The following NIPAL1 variants were observed in gnomAD, a reference collection of about 807,000 sequenced individuals.
The protein encoded by NIPAL1 is NIPA like domain containing 1.
In NIPAL1, 35 loss-of-function variants were observed where a neutral mutation model predicts 37.7. The ratio of observed to expected loss-of-function variants is 0.93; its 90% CI spans 0.71 to 1.23. The LOEUF (loss-of-function observed/expected upper bound fraction) is 1.23, where lower values mean the gene tolerates loss of function less well. NIPAL1 is among the 50% of genes most tolerant of loss of function. The pLI, the probability that NIPAL1 is intolerant of heterozygous loss-of-function variation, is 0.00. For missense variants in NIPAL1, 412 were observed against 473.9 expected (o/e 0.87, Z 1.21); for synonymous variants, 162 against 183.0 (o/e 0.89, Z 0.93).
At position 48,037,928 on chromosome 4, in the gene NIPAL1, AT is replaced by A. The variant is rs1353772971; in HGVS notation, c.*1758del. 6.6e-6 allele frequency: 1 copy of A among 151,950 alleles called. No individual in the cohort carries two copies. The highest frequency in any genetic ancestry group is 1.5e-5 in the Non-Finnish European group (1 of 67,964). 9.4% of individuals were successfully genotyped at this position (151,950 alleles called of 1,614,324 possible). On this transcript the variant is annotated 3_prime_UTR_variant, in exon 6 of 6. Coordinates refer to ENST00000295461, the MANE Select transcript of NIPAL1 (RefSeq NM_207330.3). The stretch of plus-strand genomic sequence containing the variant: ...CAAAAATCCTAACCAAAAAGTTGTC[AT>A]TAAAAAAAAAAAAATTCAGGTAGAC...
At chr4:48,017,141 G>A (rs1425373718) in intron 1 of NIPAL1, among the ~76,000 whole-genome samples, 1 of 152,246 alleles carries the variant, frequency 6.6e-6, no homozygotes, top group African/African-American at 2.4e-5. Context: ...CGATTCGCGA[G>A]GCCGACCAGT....
Position 48,037,948 on chromosome 4 carries a change from G to T in NIPAL1, c.*1776G>T, listed in dbSNP as rs1715991718. 2 of 151,368 alleles carry T rather than the reference G, an allele frequency of 1.3e-5. No individual in the cohort carries two copies. The highest frequency in any genetic ancestry group is 4.9e-5 in the African/African-American group (2 of 41,198). The allele number at this position is 151,368 out of a possible 1,614,324, so 9.4% of individuals were successfully genotyped here. On this transcript the variant is annotated 3_prime_UTR_variant, in exon 6 of 6. Transcript: ENST00000295461. The stretch of plus-strand genomic sequence containing the variant: ...TTGTCATTAAAAAAAAAAAAATTCA[G>T]GTAGACTGAATGTTTTTCTGCTCTA...
At chr4:48,030,088 T>C in intron 2 of NIPAL1, 32 bp from the exon 3 acceptor site, 1 of 1,412,310 alleles carries the variant, frequency 7.1e-7, no homozygotes, top group Non-Finnish European at 1.0e-6. Context: ...GTAGAACCCA[T>C]TTTTTGTTAA....
At chr4:48,030,288 T>G in intron 3 of NIPAL1, 112 bp downstream of exon 3, 1 of 669,894 alleles carries the variant, frequency 1.5e-6, no homozygotes, top group Non-Finnish European at 2.6e-6. Context: ...GGATGGAATT[T>G]AAGTCTAAAC....
At position 48,025,094 on chromosome 4, in the gene NIPAL1, A is replaced by G; in HGVS notation, c.73A>G (p.Asn25Asp). Residue 25 changes from asparagine to aspartate, a missense_variant, in exon 2 of 6, where the codon AAC becomes GAC. By Grantham distance (23) the Asn-to-Asp change is conservative. Transcript: ENST00000295461. ...ATATGTGCTGTCTCTGGTCTGTCCA[A>G]ACTCCTCCCAGGCTTGGTGTGAGAT... ...EGYVLSLVCP[N>D]SSQAWCEITN... 1.2e-6 allele frequency: 2 copies of G among 1,613,958 alleles called. No individual in the cohort carries two copies. Among genetic ancestry groups the G allele is most frequent in the African/African-American group, 1.3e-5 (1 of 74,988 alleles).
intron 1 of NIPAL1, 114 bp downstream of exon 1, chr4:48,016,999 T>TA: frequency 1.2e-6 from 1 of 840,644 alleles, no homozygotes; most frequent in Middle Eastern, 2.3e-4. Flanking sequence ...ACTCTAAACG[T>TA]AGTCGTTCAC....
intron 3 of NIPAL1, among the ~76,000 whole-genome samples, chr4:48,031,266 T>C (rs540961821): frequency 8.1e-4 from 123 of 152,306 alleles, no homozygotes; most frequent in African/African-American, 3.0e-3. Context: ...GTTCTCACCA[T>C]GTTGGCCAGG....
chr4:48,025,311 C>A lies in NIPAL1; in HGVS notation c.290C>A (p.Ala97Asp), dbSNP rs777898143. 6.2e-7 allele frequency: 1 copy of A among 1,614,054 alleles called. No homozygotes were observed. Among genetic ancestry groups the A allele is most frequent in the Non-Finnish European group, 8.5e-7 (1 of 1,179,968 alleles). The change falls in exon 2 of 6, where the codon GCC (alanine) becomes GAC (aspartate). Residue 97 changes from alanine (A) to aspartate (D), a missense_variant. Transcript: ENST00000295461. ...ILKKKGLLQL[A>D]SKGFTRAGQG... ...AAAAAGAAGGGCCTCTTGCAACTGG[C>A]CAGCAAGGGCTTTACTAGAGCTGGT...
intron 4 of NIPAL1, among the ~76,000 whole-genome samples, chr4:48,034,524 G>T (rs992431020): frequency 6.6e-6 from 1 of 152,042 alleles, no homozygotes; most frequent in Non-Finnish European, 1.5e-5. Flanking sequence ...AACATCCATG[G>T]GCATACATAT....
chr4:48,022,842 G>T (rs1715602647), intron 1 of NIPAL1, among the ~76,000 whole-genome samples: 1 of 151,926 alleles, frequency 6.6e-6, no homozygotes, highest in African/African-American at 2.4e-5. Context: ...AAAAAAATTA[G>T]TTGGGCATGG....
At chr4:48,025,857 A>G (rs373737742) in intron 2 of NIPAL1, among the ~76,000 whole-genome samples, 1 of 151,724 alleles carries the variant, frequency 6.6e-6, no homozygotes, top group South Asian at 2.1e-4. Context: ...CCCATCACCT[A>G]CTTTTCTCTT....
Position 48,036,282 on chromosome 4 carries a change from T to A in NIPAL1, c.*110T>A. The A allele has an allele frequency of 1.9e-6, 2 of 1,066,248 alleles. No individual in the cohort carries two copies. The highest frequency in any genetic ancestry group is 2.7e-6 in the Non-Finnish European group (2 of 743,162). 66.0% of individuals were successfully genotyped at this position (1,066,248 alleles called of 1,614,324 possible). On this transcript the variant is annotated 3_prime_UTR_variant, in exon 6 of 6. Coordinates refer to ENST00000295461, the MANE Select transcript of NIPAL1 (RefSeq NM_207330.3). ...AAGTTAGCATTTTTGCAGTTCTAAC[T>A]AATTTAGATGTGAGGCCAAGTAAAA...
In NIPAL1 at chr4:48,035,827, G is replaced by C. The variant is rs1363138975; in HGVS notation, c.888G>C (p.Lys296Asn). Residue 296 changes from lysine to asparagine, a missense_variant, in exon 6 of 6, where the codon AAG becomes AAC. Physicochemically the swap from Lys to Asn is moderately conservative, Grantham distance 94 (BLOSUM62 0). Transcript: ENST00000295461. ...SVTTQINYLN[K>N]ALDTFNTSLV... Reference sequence around the variant, plus strand: ...CTACACAGATTAACTATCTCAACAAGGCACTGGACACCTTTAATACCTCTC... The same window carrying C: ...CTACACAGATTAACTATCTCAACAACGCACTGGACACCTTTAATACCTCTC... The C allele has an allele frequency of 6.2e-7, 1 of 1,614,136 alleles. No individual in the cohort carries two copies. Among genetic ancestry groups the C allele is most frequent in the Admixed American group, 1.7e-5 (1 of 60,012 alleles).
At chr4:48,034,604 T>C (rs150897735) in intron 4 of NIPAL1, among the ~76,000 whole-genome samples, 37 of 152,316 alleles carry the variant, frequency 2.4e-4, no homozygotes, top group African/African-American at 8.7e-4. Flanking sequence ...AAAAGATGGG[T>C]AAATTGAAAA....
rs754843743 is a variant in NIPAL1 at position 48,037,257 on chromosome 4, A to T, written c.*1085A>T. On this transcript the variant is annotated 3_prime_UTR_variant, in exon 6 of 6. Transcript: ENST00000295461. ...AAAAGTTTTCTTCTCACAAAAACAC[A>T]GACACGTGATTGTTTTCACAGGTTC... 4.6e-6 allele frequency: 2 copies of T among 438,076 alleles called. No individual in the cohort carries two copies. Among genetic ancestry groups the T allele is most frequent in the South Asian group, 1.7e-5 (1 of 60,516 alleles). 27.1% of individuals were successfully genotyped at this position (438,076 alleles called of 1,614,324 possible).
At chr4:48,028,433 A>C (rs1253689356) in intron 2 of NIPAL1, among the ~76,000 whole-genome samples, 1 of 152,214 alleles carries the variant, frequency 6.6e-6, no homozygotes, top group Non-Finnish European at 1.5e-5. Flanking sequence ...CTCAAGATGG[A>C]TTAAAAACTT....
In NIPAL1 at chr4:48,039,991, T is replaced by A. The variant is rs1716043604; in HGVS notation, c.*3819T>A. ...CCAGAAAAACTGAACTAAATGCTAT[T>A]TAGCCCCGCCAACAAAGCTTTGTGG... On this transcript the variant is annotated 3_prime_UTR_variant, in exon 6 of 6. Coordinates refer to ENST00000295461, the MANE Select transcript of NIPAL1 (RefSeq NM_207330.3). 6.6e-6 allele frequency: 1 copy of A among 152,206 alleles called. No homozygotes were observed. Among genetic ancestry groups the A allele is most frequent in the South Asian group, 2.1e-4 (1 of 4,830 alleles). 9.4% of individuals were successfully genotyped at this position (152,206 alleles called of 1,614,324 possible). A position where few individuals can be genotyped will look rare whatever the true frequency, so the allele number is the denominator to read the frequency against.
At chr4:48,017,214 G>A (rs1715441078) in intron 1 of NIPAL1, among the ~76,000 whole-genome samples, 1 of 152,214 alleles carries the variant, frequency 6.6e-6, no homozygotes, top group South Asian at 2.1e-4. Context: ...AGAATCCCGA[G>A]TCCCTCTGAG....
intron 5 of NIPAL1, 110 bp from the exon 6 acceptor site, chr4:48,035,452 A>T: frequency 4.1e-6 from 4 of 980,256 alleles, no homozygotes; most frequent in Non-Finnish European, 4.7e-6. Context: ...ATTTGATCTC[A>T]CTTCTATTTC....
Sources: allele counts gnomAD v4.1 joint callset (sites outside exome capture counted in the v4.1 genomes callset), GRCh38; gene constraint gnomAD v4.1.1; transcripts MANE v1.5; gene names NCBI Gene and HGNC (gene_info 2026-07-23, HGNC 2026-07-21).